Variants in MAP1LC3A observed in about 807,000 individuals in gnomAD.
MAP1LC3A encodes the protein microtubule associated protein 1 light chain 3 alpha.
Under a neutral mutation model 15.2 loss-of-function variants are expected in MAP1LC3A, and 10 were observed. The observed-to-expected ratio is 0.66, with a 90% confidence interval of 0.41 to 1.12. The LOEUF (loss-of-function observed/expected upper bound fraction) is 1.12, where lower values mean the gene tolerates loss of function less well. Ranked by LOEUF, MAP1LC3A falls within the 50% of genes most tolerant of loss-of-function variation. The probability of loss-of-function intolerance (pLI) is 0.00; values close to 1 mark genes in which losing one functional copy is unlikely to be tolerated. For synonymous variants in MAP1LC3A, 63 were observed against 64.3 expected, an observed-to-expected ratio of 0.98 and a Z score of 0.10; for missense variants, 138 against 167.3, an observed-to-expected ratio of 0.82 and a Z score of 0.97.
At chr20:34,548,022 G>A (rs974107979) in intron 1 of MAP1LC3A, among the ~76,000 whole-genome samples, 21 of 152,254 alleles carry the variant, frequency 1.4e-4, no homozygotes, top group South Asian at 4.1e-4. Flanking sequence ...GGGGGTTCCC[G>A]GAGCAGTGAC....
chr20:34,558,660 C>T (rs747620338), upstream of MAP1LC3A: 151 of 1,235,996 alleles, frequency 1.2e-4, no homozygotes, highest in Non-Finnish European at 1.4e-4. This position sits in a 1 kb window ranked among gnomAD's most constrained non-coding sequence, Gnocchi z 4.3. Flanking sequence ...TGTGCGTCGG[C>T]CCAATGGGAG....
chr20:34,559,011 C>T lies in MAP1LC3A; in HGVS notation c.40+103C>T, dbSNP rs1042237779. The T allele has an allele frequency of 4.5e-6, 6 of 1,338,232 alleles. No individual in the cohort carries two copies. The African/African-American group carries it at 9.3e-5, about 21-fold the overall frequency. 82.9% of individuals were successfully genotyped at this position (1,338,232 alleles called of 1,614,324 possible). A position where few individuals can be genotyped will look rare whatever the true frequency, so the allele number is the denominator to read the frequency against. ...CCGTGACGTCAGGCTCTGGCTGGAC[C>T]CTCGGGCTGGGACCAGCTCCGGCCT... On this transcript the variant is annotated intron_variant, in intron 1 of 3. Transcript: ENST00000360668.
chr20:34,559,765 C>T lies in MAP1LC3A; in HGVS notation c.233C>T (p.Ala78Val), dbSNP rs1422587941. ...CGCCTGCAGCTGAACCCCACGCAGG[C>T]CTTCTTCCTGCTGGTGAACCAGCAC... ...RRRLQLNPTQ[A>V]FFLLVNQHSM... The change falls in exon 4 of 4, where the codon GCC becomes GTC. Residue 78 changes from alanine (A) to valine (V), a missense_variant. Ala to Val is a moderately conservative substitution (Grantham distance 64). Transcript: ENST00000360668. 6.2e-7 allele frequency: 1 copy of T among 1,612,394 alleles called. No homozygotes were observed.
chr20:34,551,870 C>T (rs1048841401), intron 2 of MAP1LC3A, among the ~76,000 whole-genome samples: 2 of 151,864 alleles, frequency 1.3e-5, no homozygotes, highest in Non-Finnish European at 2.9e-5. Flanking sequence ...GTGAATTTTA[C>T]CCTGAAAGAA....
intron 1 of MAP1LC3A, among the ~76,000 whole-genome samples, chr20:34,547,183 G>C (rs1981766241): frequency 6.6e-6 from 1 of 152,140 alleles, no homozygotes; most frequent in South Asian, 2.1e-4. Context: ...GAGTTTGACG[G>C]GTTCGGCAGG....
At chr20:34,550,101 G>A (rs1981892092) in intron 2 of MAP1LC3A, 1 of 1,488,386 alleles carries the variant, frequency 6.7e-7, no homozygotes, top group African/African-American at 1.4e-5. Flanking sequence ...GCGGTCATCA[G>A]TGGCCAAGCA....
intron 1 of MAP1LC3A, among the ~76,000 whole-genome samples, chr20:34,549,034 T>C (rs1981847792): frequency 6.8e-6 from 1 of 148,044 alleles, no homozygotes. Context: ...TGTGGTTTTT[T>C]GGTTTTGTTT....
chr20:34,559,179 C>G (rs1410287552), intron 1 of MAP1LC3A, 29 bp from the exon 2 acceptor site: 2 of 1,551,380 alleles, frequency 1.3e-6, no homozygotes, highest in Non-Finnish European at 1.7e-6. Context: ...CGGCCCGACC[C>G]GGCCTCACGG....
chr20:34,554,310 T>A (rs1166247587), upstream of MAP1LC3A, among the ~76,000 whole-genome samples: 1 of 150,780 alleles, frequency 6.6e-6, no homozygotes, highest in East Asian at 1.9e-4. Flanking sequence ...TTTTACCACA[T>A]AGTATAGTGT....
intron 3 of MAP1LC3A, 137 bp from the exon 4 acceptor site, chr20:34,559,599 C>A: frequency 2.4e-6 from 3 of 1,238,128 alleles, no homozygotes; most frequent in South Asian, 2.7e-5. Context: ...AAGGTCGGGG[C>A]TGCAGTCGGT....
chr20:34,559,368 G>T lies in MAP1LC3A; in HGVS notation c.118G>T (p.Gly40Cys). The change falls in exon 3 of 4, where the codon GGT (glycine) becomes TGT (cysteine). Residue 40 changes from glycine to cysteine, a missense_variant. By Grantham distance (159) the Gly-to-Cys change is radical. Transcript: ENST00000360668. ...CCAGGTGATCATCGAGCGCTACAAG[G>T]GTGAGAAGCAGCTGCCCGTCCTGGA... ...KIPVIIERYK[G>C]EKQLPVLDKT... 1.2e-6 allele frequency: 2 copies of T among 1,612,840 alleles called. No individual in the cohort carries two copies. The highest frequency in any genetic ancestry group is 1.7e-6 in the Non-Finnish European group (2 of 1,179,520).
upstream of MAP1LC3A, chr20:34,558,664 A>G (rs1982255906): frequency 1.6e-6 from 2 of 1,236,044 alleles, no homozygotes; most frequent in Non-Finnish European, 2.0e-6. The surrounding 1 kb of genome is among the most constrained non-coding windows in gnomAD (Gnocchi z 4.3). Flanking sequence ...CGTCGGCCCA[A>G]TGGGAGCGGC....
At chr20:34,547,888 G>A (rs1225420731) in intron 1 of MAP1LC3A, among the ~76,000 whole-genome samples, 6 of 152,238 alleles carry the variant, frequency 3.9e-5, no homozygotes, top group East Asian at 1.9e-4. Context: ...GTGAGCCACC[G>A]CACCTGGCCA....
upstream of MAP1LC3A, among the ~76,000 whole-genome samples, chr20:34,554,070 C>T (rs934553781): frequency 1.3e-5 from 2 of 152,150 alleles, no homozygotes; most frequent in African/African-American, 4.8e-5. Flanking sequence ...GTTACACTCC[C>T]AGCAGCAGTG....
intron 2 of MAP1LC3A, 21 bp downstream of exon 2, chr20:34,559,284 C>T (rs1982317953): frequency 3.1e-6 from 5 of 1,588,586 alleles, no homozygotes; most frequent in Non-Finnish European, 3.4e-6. Context: ...CACCCCCAGC[C>T]CTGCCCCGCC....
At chr20:34,555,846 C>CT (rs536070432), upstream of MAP1LC3A, among the ~76,000 whole-genome samples, 263 of 130,512 alleles carry the variant, frequency 2.0e-3, no homozygotes, top group Middle Eastern at 8.7e-3. Flanking sequence ...AGTTTTCTTT[C>CT]TTTTTTTTTT....
Position 34,559,619 on chromosome 20 carries a change from G to C in MAP1LC3A, c.204-117G>C, listed in dbSNP as rs908980624. 3.1e-6 allele frequency: 4 copies of C among 1,301,352 alleles called. No individual in the cohort carries two copies. In the African/African-American group the frequency reaches 5.9e-5, roughly 19 times the overall value. 80.6% of individuals were successfully genotyped at this position (1,301,352 alleles called of 1,614,324 possible). On this transcript the variant is annotated intron_variant, in intron 3 of 3. Transcript: ENST00000360668. ...CGGGGCTGCAGTCGGTGTTGGGTCA[G>C]AGGTGACAGCTGGGGTGAGAATGGG...
At chr20:34,558,687 C>G, upstream of MAP1LC3A, 22 of 1,266,266 alleles carry the variant, frequency 1.7e-5, no homozygotes, top group Non-Finnish European at 2.2e-5. This position sits in a 1 kb window ranked among gnomAD's most constrained non-coding sequence, Gnocchi z 4.3. Flanking sequence ...ACTGGCCTCC[C>G]CTTTAAGGAA....
Position 34,550,365 on chromosome 20 carries a change from T to C in MAP1LC3A, c.52+336T>C, listed in dbSNP as rs540362967. 7.9e-5 allele frequency among the ~76,000 whole-genome samples: 12 copies of C among 152,168 alleles called. No individual in the cohort carries two copies. The South Asian group carries it at 1.2e-3, about 16-fold the overall frequency. Reference sequence around the variant, plus strand: ...CCTGCGCATGGTCTAGAGGGGGAGATAGACCTTCTAGATGGCAAACGGCAT... The same window carrying C: ...CCTGCGCATGGTCTAGAGGGGGAGACAGACCTTCTAGATGGCAAACGGCAT... On this transcript the variant is annotated intron_variant, in intron 2 of 4. Transcript: ENST00000374837.
Sources: gnomAD v4.1 joint callset for allele counts (sites outside exome capture counted in the v4.1 genomes callset) on GRCh38, gnomAD v4.1.1 for gene constraint, Gnocchi (gnomAD v3.1) non-coding constraint, MANE v1.5 for transcripts, NCBI Gene and HGNC (gene_info 2026-07-23, HGNC 2026-07-21) for gene names.